Variants in GPHN observed in about 807,000 individuals in gnomAD.
The protein encoded by GPHN is gephyrin.
Under a neutral mutation model 95.5 loss-of-function variants are expected in GPHN, and 17 were observed. The ratio of observed to expected loss-of-function variants is 0.18; its 90% CI spans 0.12 to 0.27. The LOEUF is 0.27. Ranked by LOEUF, GPHN falls within the 10% of genes least tolerant of loss-of-function variation. The probability of loss-of-function intolerance (pLI) is 1.00; values close to 1 mark genes in which losing one functional copy is unlikely to be tolerated. For synonymous variants in GPHN, 320 were observed against 322.5 expected (o/e 0.99, Z 0.08); for missense variants, 660 against 978.1 (o/e 0.67, Z 4.34).
intron 4 of GPHN, among the ~76,000 whole-genome samples, chr14:66,846,367 C>A (rs945029334): frequency 6.6e-6 from 1 of 152,110 alleles, no homozygotes; most frequent in Non-Finnish European, 1.5e-5. Flanking sequence ...AATCTGTAGT[C>A]TGCTAGGAAT....
At chr14:67,563,731 CTT>C in the GPHN span, among the ~76,000 whole-genome samples, 7,438 of 86,900 alleles carry the variant, frequency 0.086, 239 homozygotes, top group East Asian at 0.15. Flanking sequence ...CTGAGCCTGG[CTT>C]TTTTTTTTTT....
chr14:67,399,480 G>A, the GPHN span, among the ~76,000 whole-genome samples: 1 of 148,782 alleles, frequency 6.7e-6, no homozygotes, highest in East Asian at 2.0e-4. Context: ...GGTAGTTTAG[G>A]TGGCTGTCAG....
intron 1 of GPHN, among the ~76,000 whole-genome samples, chr14:66,635,377 G>A (rs1292940205): frequency 6.6e-6 from 1 of 152,144 alleles, no homozygotes; most frequent in Non-Finnish European, 1.5e-5. Flanking sequence ...TACTTAATTT[G>A]AAATTTCCTG....
At chr14:66,890,958 A>C (rs910230951) in intron 5 of GPHN, among the ~76,000 whole-genome samples, 1 of 152,036 alleles carries the variant, frequency 6.6e-6, no homozygotes, top group Non-Finnish European at 1.5e-5. Flanking sequence ...TATGTAAAAA[A>C]CCCACAGCTC....
intron 9 of GPHN, among the ~76,000 whole-genome samples, chr14:67,002,722 G>C (rs999181010): frequency 1.3e-4 from 19 of 151,336 alleles, no homozygotes; most frequent in African/African-American, 4.6e-4. Context: ...GTATTTAACA[G>C]CTTAATATTA....
chr14:66,862,127 A>G (rs1401443617), intron 4 of GPHN, among the ~76,000 whole-genome samples: 1 of 152,088 alleles, frequency 6.6e-6, no homozygotes, highest in Non-Finnish European at 1.5e-5. Flanking sequence ...GAAGATACAA[A>G]TAAACAAAAT....
intron 9 of GPHN, among the ~76,000 whole-genome samples, chr14:66,983,535 GTAGCCA>G (rs895347842): frequency 1.3e-5 from 2 of 152,032 alleles, no homozygotes; most frequent in African/African-American, 4.8e-5. Context: ...AACTTGAATT[GTAGCCA>G]TTTCTGGCTT....
chr14:67,439,908 G>A, the GPHN span, among the ~76,000 whole-genome samples: 3 of 151,948 alleles, frequency 2.0e-5, no homozygotes, highest in Admixed American at 6.6e-5. Context: ...GCGTGATCTC[G>A]GCTTGCTGCA....
the GPHN span, chr14:67,562,771 G>C: frequency 1.9e-6 from 3 of 1,613,738 alleles, no homozygotes; most frequent in East Asian, 6.7e-5. Flanking sequence ...TGGAGATGGA[G>C]GAGCCACCCC....
At chr14:67,087,482 G>A (rs554855996) in intron 11 of GPHN, among the ~76,000 whole-genome samples, 3 of 152,230 alleles carry the variant, frequency 2.0e-5, no homozygotes, top group African/African-American at 7.2e-5. Flanking sequence ...CACTTTGCTT[G>A]TCTGACATAG....
chr14:67,067,626 GC>G (rs1485278351), intron 11 of GPHN, among the ~76,000 whole-genome samples: 3 of 152,200 alleles, frequency 2.0e-5, no homozygotes, highest in African/African-American at 7.2e-5. Context: ...AAGCTTCCTG[GC>G]CACTTTGTTT....
At chr14:66,916,502 G>GTTTTTTTTTTTTTTTTTTTTTTT (rs755169347) in intron 6 of GPHN, among the ~76,000 whole-genome samples, 2 of 128,324 alleles carry the variant, frequency 1.6e-5, no homozygotes, top group African/African-American at 2.9e-5. Context: ...TTTTGGTTTG[G>GTTTTTTTTTTTTTTTTTTTTTTT]TTTTTTTTTT....
At chr14:67,642,358 C>T in the GPHN span, 1 of 1,613,520 alleles carries the variant, frequency 6.2e-7, no homozygotes, top group African/African-American at 1.3e-5. Context: ...TGGGAGGAGA[C>T]CACAGGTAAG....
At chr14:66,947,279 T>A (rs2067815864) in intron 8 of GPHN, among the ~76,000 whole-genome samples, 1 of 152,342 alleles carries the variant, frequency 6.6e-6, no homozygotes, top group Middle Eastern at 3.4e-3. Context: ...TTCTGGTTTA[T>A]CTCTTTCTCA....
the GPHN span, among the ~76,000 whole-genome samples, chr14:67,326,609 A>G: frequency 6.6e-6 from 1 of 152,092 alleles, no homozygotes; most frequent in East Asian, 1.9e-4. Context: ...TAGTTTTCTT[A>G]TGCCCCTTTG....
At chr14:66,936,443 G>A (rs2067139478) in intron 8 of GPHN, among the ~76,000 whole-genome samples, 2 of 151,966 alleles carry the variant, frequency 1.3e-5, no homozygotes, top group African/African-American at 2.4e-5. Flanking sequence ...GTGATAAGAT[G>A]CACTGCCCAA....
At chr14:67,508,940 G>A in the GPHN span, among the ~76,000 whole-genome samples, 4 of 151,854 alleles carry the variant, frequency 2.6e-5, no homozygotes, top group African/African-American at 4.8e-5. Flanking sequence ...GTCATAATCA[G>A]GTCTCCACAG....
intron 5 of GPHN, among the ~76,000 whole-genome samples, chr14:66,888,371 C>T (rs1038383757): frequency 6.6e-6 from 1 of 152,012 alleles, no homozygotes; most frequent in African/African-American, 2.4e-5. Flanking sequence ...TTAACTTGTC[C>T]TCAGACATGC....
intron 10 of GPHN, among the ~76,000 whole-genome samples, chr14:67,032,108 T>C (rs1399937062): frequency 2.0e-5 from 3 of 152,212 alleles, no homozygotes; most frequent in African/African-American, 7.2e-5. Context: ...ACTTTACCTG[T>C]GATAGTCCCT....
Sources: gnomAD v4.1 joint callset for allele counts (sites outside exome capture counted in the v4.1 genomes callset) on GRCh38, gnomAD v4.1.1 for gene constraint, MANE v1.5 for transcripts, NCBI Gene and HGNC (gene_info 2026-07-23, HGNC 2026-07-21) for gene names.